NAA30: variants seen among roughly 807,000 people sequenced by gnomAD.
The protein encoded by NAA30 is N-alpha-acetyltransferase 30.
NAA30 carries 5 observed loss-of-function variants against 31.4 expected under a neutral mutation model. The observed-to-expected ratio is 0.16, with a 90% CI of 0.08 to 0.33. NAA30 has a LOEUF of 0.33. NAA30 is among the 10% of genes least tolerant of loss of function. The pLI is 1.00. For missense variants in NAA30, 428 were observed against 490.8 expected, an observed-to-expected ratio of 0.87 and a Z score of 1.21; for synonymous variants, 222 against 207.1, an observed-to-expected ratio of 1.07 and a Z score of -0.62.
At chr14:57,399,478 A>G (rs566035323) in intron 3 of NAA30, among the ~76,000 whole-genome samples, 112 of 152,284 alleles carry the variant, frequency 7.4e-4, no homozygotes, top group Non-Finnish European at 1.3e-3. Context: ...ACTCACGGGG[A>G]GTTCCTGCGT....
chr14:57,398,374 A>G (rs2066459998), intron 3 of NAA30, among the ~76,000 whole-genome samples: 1 of 152,196 alleles, frequency 6.6e-6, no homozygotes, highest in South Asian at 2.1e-4. Context: ...TTTGGGTTGC[A>G]TCCTGGCCTT....
At chr14:57,408,576 T>G (rs1286166901) in intron 4 of NAA30, among the ~76,000 whole-genome samples, 1 of 152,216 alleles carries the variant, frequency 6.6e-6, no homozygotes, top group Non-Finnish European at 1.5e-5. Context: ...AAAATGCAGA[T>G]TCTTGTGTCC....
chr14:57,392,513 A>G (rs1446317393), intron 2 of NAA30, among the ~76,000 whole-genome samples: 1 of 152,190 alleles, frequency 6.6e-6, no homozygotes, highest in African/African-American at 2.4e-5. Flanking sequence ...CGTAAGTGAA[A>G]GACTTTTGGA....
intron 4 of NAA30, among the ~76,000 whole-genome samples, chr14:57,408,496 A>T (rs931841541): frequency 5.3e-5 from 8 of 152,372 alleles, no homozygotes; most frequent in Non-Finnish European, 1.0e-4. Context: ...TTTGCTATAT[A>T]GACCAGTGGT....
chr14:57,396,984 G>A, intron 3 of NAA30, 109 bp downstream of exon 3: 2 of 1,054,120 alleles, frequency 1.9e-6, no homozygotes, highest in Admixed American at 2.7e-5. Flanking sequence ...AGAAACTAAG[G>A]GAAGAAAATT....
chr14:57,407,066 A>C (rs2066501168), intron 4 of NAA30, among the ~76,000 whole-genome samples: 1 of 151,932 alleles, frequency 6.6e-6, no homozygotes, highest in Non-Finnish European at 1.5e-5. Flanking sequence ...GCTAATTTTT[A>C]AGGTTTTTTA....
rs762599757 is a variant in NAA30 at position 57,391,520 on chromosome 14, C to T, written c.563C>T (p.Ser188Phe). The stretch of plus-strand genomic sequence containing the variant: ...GAAGACGAGCAGGTGCGGCTGCTGT[C>T]TTCGTCCCTGACCGCCGACTGCAGC... ...EEEDEQVRLL[S>F]SSLTADCSLR... The change falls in exon 2 of 5, where the codon TCT (serine) becomes TTT (phenylalanine). Residue 188 changes from serine (S) to phenylalanine (F), a missense_variant. Physicochemically the swap from Ser to Phe is radical, Grantham distance 155. Around this residue, in one of 2 missense-constraint regions of NAA30, gnomAD observed 349 missense variants for 310.4 expected, o/e 1.12. Coordinates refer to ENST00000556492, the MANE Select transcript of NAA30 (RefSeq NM_001011713.3). The surrounding 1 kb of genome is among the most constrained non-coding windows in gnomAD (Gnocchi z 4.1). 2 of 1,613,570 alleles carry T rather than the reference C, an allele frequency of 1.2e-6. No individual in the cohort carries two copies. The highest frequency in any genetic ancestry group is 1.1e-5 in the South Asian group (1 of 91,064).
chr14:57,400,985 C>T (rs908827756), intron 4 of NAA30, among the ~76,000 whole-genome samples: 1 of 151,914 alleles, frequency 6.6e-6, no homozygotes, highest in Non-Finnish European at 1.5e-5. Flanking sequence ...GATCCTTCCA[C>T]CTCAGCCTCT....
At chr14:57,409,232 C>T (rs2066512773) in intron 4 of NAA30, 147 bp from the exon 5 acceptor site, 3 of 660,572 alleles carry the variant, frequency 4.5e-6, no homozygotes, top group Non-Finnish European at 7.4e-6. Flanking sequence ...ATCTTGATGA[C>T]TGTTTTTGAG....
intron 3 of NAA30, among the ~76,000 whole-genome samples, chr14:57,399,471 C>A (rs2066464524): frequency 6.6e-6 from 1 of 152,210 alleles, no homozygotes; most frequent in Non-Finnish European, 1.5e-5. Context: ...CTGGCCAACT[C>A]ACGGGGAGTT....
chr14:57,399,980 A>G (rs2066467711), intron 4 of NAA30, 97 bp downstream of exon 4: 1 of 638,482 alleles, frequency 1.6e-6, no homozygotes, highest in South Asian at 2.1e-5. Flanking sequence ...ATTTCATTGC[A>G]GTGTTACTAT....
chr14:57,409,309 ATTGT>A, intron 4 of NAA30, 66 bp from the exon 5 acceptor site: 1 of 1,245,518 alleles, frequency 8.0e-7, no homozygotes, highest in Non-Finnish European at 1.1e-6. Context: ...TTTTTAAAAA[ATTGT>A]TTAGTTGGTA....
At chr14:57,408,046 A>T (rs548674971) in intron 4 of NAA30, among the ~76,000 whole-genome samples, 1 of 152,264 alleles carries the variant, frequency 6.6e-6, no homozygotes, top group African/African-American at 2.4e-5. Flanking sequence ...ATTGAGGAGG[A>T]AGAGCAGATT....
At position 57,415,449 on chromosome 14, in the gene NAA30, C is replaced by T. The variant is rs2066543072; in HGVS notation, c.*5933C>T. On this transcript the variant is annotated 3_prime_UTR_variant, in exon 5 of 5. Transcript: ENST00000556492. The stretch of plus-strand genomic sequence containing the variant: ...CAAAATATTTTGCCCCTTAAATAGG[C>T]ATTTTAAGAAGTTTTATTTCCTGGT... 1 of 152,106 alleles carries T rather than the reference C, an allele frequency of 6.6e-6. No homozygotes were observed. Among genetic ancestry groups the T allele is most frequent in the African/African-American group, 2.4e-5 (1 of 41,416 alleles). 9.4% of individuals were successfully genotyped at this position (152,106 alleles called of 1,614,324 possible).
At chr14:57,392,869 A>G (rs751570987) in intron 2 of NAA30, among the ~76,000 whole-genome samples, 5 of 152,194 alleles carry the variant, frequency 3.3e-5, no homozygotes, top group Admixed American at 6.5e-5. Flanking sequence ...TATTGTAGAT[A>G]ATGGTAGTTC....
chr14:57,405,661 G>C (rs935756850), intron 4 of NAA30, among the ~76,000 whole-genome samples: 7 of 152,088 alleles, frequency 4.6e-5, no homozygotes, highest in African/African-American at 1.7e-4. Flanking sequence ...CTTTGTCTAT[G>C]CAACATGATG....
At chr14:57,402,993 C>T (rs1321909794) in intron 4 of NAA30, among the ~76,000 whole-genome samples, 1 of 152,222 alleles carries the variant, frequency 6.6e-6, no homozygotes, top group East Asian at 1.9e-4. Flanking sequence ...TCAGCCTGGC[C>T]GACATGGTGA....
intron 2 of NAA30, among the ~76,000 whole-genome samples, chr14:57,395,808 A>G (rs1247305661): frequency 6.6e-6 from 1 of 152,202 alleles, no homozygotes; most frequent in Non-Finnish European, 1.5e-5. Context: ...ACTATGCTAC[A>G]CTTACATATA....
At position 57,410,150 on chromosome 14, in the gene NAA30, C is replaced by T. The variant is rs950337891; in HGVS notation, c.*634C>T. 5 of 152,386 alleles carry T rather than the reference C, an allele frequency of 3.3e-5. No homozygotes were observed. Among genetic ancestry groups the T allele is most frequent in the African/African-American group, 4.8e-5 (2 of 41,370 alleles). 9.4% of individuals were successfully genotyped at this position (152,386 alleles called of 1,614,324 possible). Reference sequence around the variant, plus strand: ...AGTTTTTGAATGCATGCTATCTTTTCCTTTTCTTTAAGGCCTTTGCAAGCA... The same window carrying T: ...AGTTTTTGAATGCATGCTATCTTTTTCTTTTCTTTAAGGCCTTTGCAAGCA... On this transcript the variant is annotated 3_prime_UTR_variant, in exon 5 of 5. Coordinates refer to ENST00000556492, the MANE Select transcript of NAA30 (RefSeq NM_001011713.3).
Sources: gnomAD v4.1 joint callset for allele counts (sites outside exome capture counted in the v4.1 genomes callset) on GRCh38, gnomAD v4.1.1 for gene constraint, gnomAD v4.1.1 regional missense constraint, Gnocchi (gnomAD v3.1) non-coding constraint, MANE v1.5 for transcripts, NCBI Gene and HGNC (gene_info 2026-07-23, HGNC 2026-07-21) for gene names.